The following BCAS3 variants were observed in gnomAD, a reference collection of about 807,000 sequenced individuals.
The protein encoded by BCAS3 is BCAS4/BCAS3 fusion.
BCAS3 carries 53 observed loss-of-function variants against 116.1 expected under a neutral mutation model. That is an observed-to-expected ratio of 0.46 (90% CI 0.37 to 0.57). BCAS3 has a LOEUF of 0.57. BCAS3 is among the 20% of genes least tolerant of loss of function. The pLI, the probability that BCAS3 is intolerant of heterozygous loss-of-function variation, is 0.00. For synonymous variants in BCAS3, 391 were observed against 408.2 expected (o/e 0.96, Z 0.51); for missense variants, 917 against 1,165.4 (o/e 0.79, Z 3.10).
At chr17:60,692,282 C>T (rs1007680143) in intron 4 of BCAS3, among the ~76,000 whole-genome samples, 2 of 152,014 alleles carry the variant, frequency 1.3e-5, no homozygotes, top group Non-Finnish European at 2.9e-5. Context: ...CTCTGTCACC[C>T]AGGCTGGAGT....
chr17:60,793,385 G>A (rs947974671), intron 6 of BCAS3, among the ~76,000 whole-genome samples: 1 of 152,252 alleles, frequency 6.6e-6, no homozygotes, highest in South Asian at 2.1e-4. Context: ...GTGAGCCACC[G>A]TGCCTGGCCT....
rs2047757822 is a variant in BCAS3, at chr17:61,244,259, T to G, written c.2426-124068T>G. Among the ~76,000 whole-genome samples, 1 of 152,204 alleles carries G rather than the reference T, an allele frequency of 6.6e-6. No homozygotes were observed. The highest frequency in any genetic ancestry group is 2.4e-5 in the African/African-American group (1 of 41,464). ...CAACTATTAACATTATGGTATTTAT[T>G]AAGATTCTTCTATGCATTTGTATAC... On this transcript the variant is annotated intron_variant, in intron 22 of 23. Coordinates refer to ENST00000407086, the MANE Select transcript of BCAS3 (RefSeq NM_017679.5). This position sits in a 1 kb window ranked among gnomAD's most constrained non-coding sequence, Gnocchi z 4.9.
chr17:61,383,926 A>C (rs1234870588), intron 23 of BCAS3: 1 of 146,112 alleles, frequency 6.8e-6, no homozygotes, highest in Non-Finnish European at 1.5e-5. Context: ...GCTCGGGGAG[A>C]CCCCTTCCTG....
chr17:60,935,342 GTTAA>G (rs555922531), intron 13 of BCAS3, among the ~76,000 whole-genome samples: 9 of 152,126 alleles, frequency 5.9e-5, no homozygotes, highest in Admixed American at 2.6e-4. Flanking sequence ...TACAATTATA[GTTAA>G]TTAAATAATT....
chr17:61,060,448 G>A (rs1162931100), intron 19 of BCAS3, among the ~76,000 whole-genome samples: 1 of 151,956 alleles, frequency 6.6e-6, no homozygotes, highest in East Asian at 1.9e-4. Flanking sequence ...AGACCTAAAT[G>A]TATTAACATG....
rs2072077737 is a variant in BCAS3 at position 61,077,147 on chromosome 17, A to G, written c.2131-1186A>G. On this transcript the variant is annotated intron_variant, in intron 20 of 23. Coordinates refer to ENST00000407086, the MANE Select transcript of BCAS3 (RefSeq NM_017679.5). This position sits in a 1 kb window ranked among gnomAD's most constrained non-coding sequence, Gnocchi z 4.3. ...CGAGTTGATTATTTGTAAAAAAAAA[A>G]AAAAATCATGTAATATATATATTTT... 6.6e-6 allele frequency among the ~76,000 whole-genome samples: 1 copy of G among 152,154 alleles called. No homozygotes were observed. Among genetic ancestry groups the G allele is most frequent in the South Asian group, 2.1e-4 (1 of 4,824 alleles).
In BCAS3 at chr17:61,366,513, T is replaced by C. The variant is rs1205715901; in HGVS notation, c.2426-1814T>C. On this transcript the variant is annotated intron_variant, in intron 22 of 23. Coordinates refer to ENST00000407086, the MANE Select transcript of BCAS3 (RefSeq NM_017679.5). This position sits in a 1 kb window ranked among gnomAD's most constrained non-coding sequence, Gnocchi z 4.5. ...GTTGTTGCCAAGGGTGGTTGAGTGT[T>C]GGCTCTGAGCTTGGCACTGCCAGTG... Among the ~76,000 whole-genome samples, 1 of 152,210 alleles carries C rather than the reference T, an allele frequency of 6.6e-6. No homozygotes were observed. The highest frequency in any genetic ancestry group is 6.5e-5 in the Admixed American group (1 of 15,288).
intron 12 of BCAS3, among the ~76,000 whole-genome samples, chr17:60,921,629 A>C (rs6504008): frequency 0.12 from 18,069 of 150,448 alleles, 3,774 homozygotes; most frequent in African/African-American, 0.42. Flanking sequence ...AAAAAAAAAA[A>C]AAAAAAACAT....
Position 61,324,684 on chromosome 17 carries a change from C to T in BCAS3, c.2426-43643C>T, listed in dbSNP as rs1568854946. Among the ~76,000 whole-genome samples, 2 of 152,166 alleles carry T rather than the reference C, an allele frequency of 1.3e-5. No individual in the cohort carries two copies. Among genetic ancestry groups the T allele is most frequent in the African/African-American group, 2.4e-5 (1 of 41,442 alleles). ...CTTGGCTGAGTCATTTCCTCTCCCT[C>T]ATCTCATTTGCCTTGTTTATAAAAT... On this transcript the variant is annotated intron_variant, in intron 22 of 23. Coordinates refer to ENST00000407086, the MANE Select transcript of BCAS3 (RefSeq NM_017679.5). This position sits in a 1 kb window ranked among gnomAD's most constrained non-coding sequence, Gnocchi z 4.6.
At chr17:61,329,348 T>TTTTTTTATTTTA (rs1214137548) in intron 22 of BCAS3, among the ~76,000 whole-genome samples, 1 of 148,270 alleles carries the variant, frequency 6.7e-6, no homozygotes, top group African/African-American at 2.5e-5. Context: ...TTATTATTTT[T>TTTTTTTATTTTA]TTTTTTTTTT....
intron 22 of BCAS3, among the ~76,000 whole-genome samples, chr17:61,109,453 G>A (rs2074913217): frequency 6.6e-6 from 1 of 152,050 alleles, no homozygotes; most frequent in Non-Finnish European, 1.5e-5. Flanking sequence ...TTTTCCTCTT[G>A]GTAGATTCCT....
In BCAS3 at chr17:61,256,137, A is replaced by G. The variant is rs145327904; in HGVS notation, c.2426-112190A>G. On this transcript the variant is annotated intron_variant, in intron 22 of 23. Transcript: ENST00000407086. This position sits in a 1 kb window ranked among gnomAD's most constrained non-coding sequence, Gnocchi z 5.6. Reference sequence around the variant, plus strand: ...ATGGGCCAATGGCTTTATGTAACTGAGGTTTCTGTTTTAACATGAAAGTAC... The same window carrying G: ...ATGGGCCAATGGCTTTATGTAACTGGGGTTTCTGTTTTAACATGAAAGTAC... Among the ~76,000 whole-genome samples, 314 of 152,232 alleles carry G rather than the reference A, an allele frequency of 2.1e-3. 2 individuals are homozygous for G. The highest frequency in any genetic ancestry group is 7.0e-3 in the African/African-American group (292 of 41,534).
At chr17:60,906,642 TTG>T (rs2058205804) in intron 11 of BCAS3, among the ~76,000 whole-genome samples, 1 of 152,244 alleles carries the variant, frequency 6.6e-6, no homozygotes. Context: ...GATTCTGACT[TTG>T]TAACTCAGTA....
At chr17:60,762,705 C>T (rs1338359893) in intron 6 of BCAS3, among the ~76,000 whole-genome samples, 3 of 152,062 alleles carry the variant, frequency 2.0e-5, no homozygotes, top group Non-Finnish European at 4.4e-5. Flanking sequence ...TCCATATGAA[C>T]TTTAAAGTAG....
intron 6 of BCAS3, among the ~76,000 whole-genome samples, chr17:60,778,124 C>T (rs1405658719): frequency 6.6e-6 from 1 of 151,810 alleles, no homozygotes; most frequent in Middle Eastern, 3.2e-3. Flanking sequence ...TTCATTTCAT[C>T]CATGGCTTAT....
intron 15 of BCAS3, among the ~76,000 whole-genome samples, chr17:61,009,521 A>G (rs1171537371): frequency 6.6e-6 from 1 of 151,996 alleles, no homozygotes; most frequent in Non-Finnish European, 1.5e-5. Flanking sequence ...AACTATTGTC[A>G]TTTGATTCCT....
Position 61,126,397 on chromosome 17 carries a change from C to A in BCAS3, c.2425+41833C>A, listed in dbSNP as rs1026278629. ...AGTGTATATGTGTCATGTTATCGCA[C>A]GTGAACCACTGCCTATGTTAAATAG... On this transcript the variant is annotated intron_variant, in intron 22 of 23. Transcript: ENST00000407086. The surrounding 1 kb of genome is among the most constrained non-coding windows in gnomAD (Gnocchi z 4.6). Among the ~76,000 whole-genome samples the A allele has an allele frequency of 6.6e-6, 1 of 152,134 alleles. No homozygotes were observed. Among genetic ancestry groups the A allele is most frequent in the African/African-American group, 2.4e-5 (1 of 41,446 alleles).
chr17:61,329,308 A>G (rs2056013686), intron 22 of BCAS3, among the ~76,000 whole-genome samples: 1 of 151,306 alleles, frequency 6.6e-6, no homozygotes, highest in Non-Finnish European at 1.5e-5. Flanking sequence ...TTGGGAGGAC[A>G]CAAACATCCA....
chr17:61,015,835 T>A lies in BCAS3; in HGVS notation c.1571T>A (p.Met524Lys). 2 of 1,614,122 alleles carry A rather than the reference T, an allele frequency of 1.2e-6. No individual in the cohort carries two copies. The highest frequency in any genetic ancestry group is 8.5e-7 in the Non-Finnish European group (1 of 1,179,988). The change falls in exon 16 of 24, where the codon ATG becomes AAG. Residue 524 changes from methionine to lysine, a missense_variant. Around this residue, in one of 3 missense-constraint regions of BCAS3, gnomAD observed 807 missense variants for 1,026.0 expected, o/e 0.79. Transcript: ENST00000407086. ...NPRLSPLPSL[M>K]VVMPLAQIKQ... The stretch of plus-strand genomic sequence containing the variant: ...CGGCTCTCTCCTCTTCCCAGCTTGA[T>A]GGTAGTGATGCCTCTTGCACAAATC...
Sources: allele counts gnomAD v4.1 joint callset (sites outside exome capture counted in the v4.1 genomes callset), GRCh38; gene constraint gnomAD v4.1.1; regional missense constraint gnomAD v4.1.1; non-coding constraint Gnocchi (gnomAD v3.1); transcripts MANE v1.5; gene names NCBI Gene and HGNC (gene_info 2026-07-23, HGNC 2026-07-21).